Variants in MAP3K5 observed in about 807,000 individuals in gnomAD.
MAP3K5 encodes ASK-1.
MAP3K5 carries 56 observed loss-of-function variants against 158.7 expected under a neutral mutation model. The observed-to-expected ratio is 0.35, with a 90% CI of 0.28 to 0.44. The LOEUF (loss-of-function observed/expected upper bound fraction) is 0.44, where lower values mean the gene tolerates loss of function less well. MAP3K5 is among the 20% of genes least tolerant of loss of function. The pLI is 1.00. For missense variants in MAP3K5, 1,294 were observed against 1,674.8 expected, an observed-to-expected ratio of 0.77 and a Z score of 3.97; for synonymous variants, 579 against 601.7, an observed-to-expected ratio of 0.96 and a Z score of 0.55.
At chr6:136,626,511 T>A (rs1389970050) in intron 14 of MAP3K5, among the ~76,000 whole-genome samples, 2 of 152,146 alleles carry the variant, frequency 1.3e-5, no homozygotes, top group African/African-American at 4.8e-5. Flanking sequence ...ATGCTCTAAC[T>A]CAGAGTTAAA....
At chr6:136,656,233 G>A (rs919491959) in intron 10 of MAP3K5, 74 bp downstream of exon 10, 14 of 1,380,156 alleles carry the variant, frequency 1.0e-5, no homozygotes, top group Non-Finnish European at 1.4e-5. Context: ...CAGCCCCCAA[G>A]CACTGATACA....
At chr6:136,559,671 T>C (rs1830419069) in intron 28 of MAP3K5, among the ~76,000 whole-genome samples, 1 of 152,190 alleles carries the variant, frequency 6.6e-6, no homozygotes, top group Non-Finnish European at 1.5e-5. Flanking sequence ...GAGTCTTAAT[T>C]TAAACTGCAC....
At chr6:136,781,975 G>T (rs575219626) in intron 1 of MAP3K5, among the ~76,000 whole-genome samples, 5 of 151,824 alleles carry the variant, frequency 3.3e-5, no homozygotes, top group African/African-American at 1.2e-4. Flanking sequence ...TAGCATTTTG[G>T]GAGGCAGGGG....
intron 7 of MAP3K5, among the ~76,000 whole-genome samples, chr6:136,687,385 C>T (rs1008682360): frequency 2.6e-5 from 4 of 152,142 alleles, no homozygotes; most frequent in Non-Finnish European, 5.9e-5. Flanking sequence ...ATGACTAAAA[C>T]ACCAAAAGCA....
chr6:136,699,955 G>T (rs923673710), intron 3 of MAP3K5, among the ~76,000 whole-genome samples: 3 of 152,090 alleles, frequency 2.0e-5, no homozygotes, highest in African/African-American at 7.2e-5. Context: ...TTATCCAGGT[G>T]GGGTGGTGCA....
At chr6:136,605,078 T>C (rs1776046540) in intron 19 of MAP3K5, 131 bp downstream of exon 19, 2 of 831,822 alleles carry the variant, frequency 2.4e-6, no homozygotes, top group Non-Finnish European at 3.7e-6. Context: ...AGAATCTTCT[T>C]GACCTTTAAT....
At chr6:136,557,870 G>A in intron 29 of MAP3K5, 52 bp from the exon 30 acceptor site, 1 of 1,216,110 alleles carries the variant, frequency 8.2e-7, no homozygotes, top group Admixed American at 1.7e-5. Context: ...TTGAAACATT[G>A]CCCTTGAAAT....
At chr6:136,694,412 A>G (rs909049740) in intron 6 of MAP3K5, 102 bp from the exon 7 acceptor site, 60 of 941,114 alleles carry the variant, frequency 6.4e-5, no homozygotes, top group Non-Finnish European at 8.5e-5. Context: ...TATTAGAGAA[A>G]TTTGCCAGGA....
At chr6:136,664,710 C>G (rs1779153087) in intron 8 of MAP3K5, among the ~76,000 whole-genome samples, 1 of 152,164 alleles carries the variant, frequency 6.6e-6, no homozygotes, top group Non-Finnish European at 1.5e-5. Flanking sequence ...GTGGGCAGAT[C>G]ACTTGAGGCC....
chr6:136,660,428 A>C (rs1214667069), intron 8 of MAP3K5, among the ~76,000 whole-genome samples: 4 of 152,106 alleles, frequency 2.6e-5, no homozygotes, highest in African/African-American at 7.2e-5. Context: ...AAAACAGAAA[A>C]AAAAAGGAAC....
intron 21 of MAP3K5, among the ~76,000 whole-genome samples, chr6:136,598,305 C>G (rs1413647156): frequency 6.6e-6 from 1 of 152,220 alleles, no homozygotes; most frequent in East Asian, 1.9e-4. Context: ...TCAGGTGCAC[C>G]TCACTGGAAA....
At chr6:136,655,707 AGTGT>A (rs61536898) in intron 10 of MAP3K5, among the ~76,000 whole-genome samples, 10,264 of 149,826 alleles carry the variant, frequency 0.069, 520 homozygotes, top group African/African-American at 0.13. Flanking sequence ...ATTTTTTTAA[AGTGT>A]GTGTGTGTGT....
chr6:136,574,677 T>A (rs1366825344), intron 25 of MAP3K5, among the ~76,000 whole-genome samples: 2 of 148,798 alleles, frequency 1.3e-5, no homozygotes, highest in Non-Finnish European at 3.0e-5. Flanking sequence ...GAAAAAAGAT[T>A]AAACACTTTT....
At chr6:136,654,003 C>T (rs946141931) in intron 10 of MAP3K5, among the ~76,000 whole-genome samples, 4 of 152,010 alleles carry the variant, frequency 2.6e-5, no homozygotes, top group East Asian at 1.9e-4. Context: ...AAGACAGACC[C>T]CAAATAAGCC....
chr6:136,757,590 T>TA (rs571734616), intron 1 of MAP3K5, among the ~76,000 whole-genome samples: 20 of 141,866 alleles, frequency 1.4e-4, no homozygotes, highest in South Asian at 4.3e-4. Flanking sequence ...TTTTTTATTT[T>TA]TTTTTTTTTT....
rs1249422341 is a variant in MAP3K5 at position 136,774,188 on chromosome 6, GA to G, written c.448+17521del. Among the ~76,000 whole-genome samples the G allele has an allele frequency of 7.2e-5, 11 of 152,198 alleles. No individual in the cohort carries two copies. In the East Asian group the frequency reaches 1.9e-3, roughly 27 times the overall value. ...CTCCTCCACACTTCCTTCTCCTCCT[GA>G]AGAATCCTCCATGATTTGTGCTCTC... is the stretch of plus-strand genomic sequence containing the variant. On this transcript the variant is annotated intron_variant, in intron 1 of 29. Transcript: ENST00000359015.
chr6:136,592,087 C>T, intron 23 of MAP3K5, 86 bp downstream of exon 23: 1 of 1,297,808 alleles, frequency 7.7e-7, no homozygotes, highest in Non-Finnish European at 1.1e-6. Context: ...TCTTGCCTTT[C>T]ACATCATCTG....
chr6:136,726,610 G>A lies in MAP3K5; in HGVS notation c.449-6021C>T, dbSNP rs563534994. Among the ~76,000 whole-genome samples the A allele has an allele frequency of 3.4e-4, 51 of 151,872 alleles. No homozygotes were observed. The South Asian group carries it at 6.2e-3, about 19-fold the overall frequency. On this transcript the variant is annotated intron_variant, in intron 1 of 29. Transcript: ENST00000359015. ...TCTGCCTCAAAAAAAAAAAGAATAC[G>A]GAATATCTCTCCACTTACTTAGGCC...
chr6:136,666,733 T>G (rs1361532178), intron 8 of MAP3K5, among the ~76,000 whole-genome samples: 1 of 152,194 alleles, frequency 6.6e-6, no homozygotes, highest in Non-Finnish European at 1.5e-5. Flanking sequence ...AATTTACAAT[T>G]GAATAGAATC....
Sources: gnomAD v4.1 joint callset for allele counts (sites outside exome capture counted in the v4.1 genomes callset) on GRCh38, gnomAD v4.1.1 for gene constraint, MANE v1.5 for transcripts, NCBI Gene and HGNC (gene_info 2026-07-23, HGNC 2026-07-21) for gene names.